Variants in RBM20 observed in about 807,000 individuals in gnomAD.
RBM20 encodes RNA-binding protein 20.
RBM20 carries 51 observed loss-of-function variants against 110.1 expected under a neutral mutation model. The observed-to-expected ratio is 0.46, with a 90% confidence interval of 0.37 to 0.59. RBM20 has a LOEUF of 0.59. RBM20 is among the 20% of genes least tolerant of loss of function. The pLI is 0.00. For missense variants in RBM20, 1,512 were observed against 1,574.9 expected (o/e 0.96, Z 0.68); for synonymous variants, 589 against 618.2 (o/e 0.95, Z 0.70).
intron 1 of RBM20, among the ~76,000 whole-genome samples, chr10:110,737,231 T>G (rs896454831): frequency 3.5e-5 from 5 of 143,344 alleles, no homozygotes; most frequent in Admixed American, 7.1e-5. Flanking sequence ...CAACAGAGCT[T>G]GTTCACCCCT....
chr10:110,820,222 T>C, intron 10 of RBM20, 46 bp downstream of exon 10: 1 of 1,300,756 alleles, frequency 7.7e-7, no homozygotes, highest in Non-Finnish European at 1.1e-6. Context: ...AGGGACTGAG[T>C]CACAGGAGTC....
At chr10:110,660,956 T>C (rs1010272616) in intron 1 of RBM20, among the ~76,000 whole-genome samples, 1 of 152,086 alleles carries the variant, frequency 6.6e-6, no homozygotes, top group African/African-American at 2.4e-5. Flanking sequence ...ACTCATTTAT[T>C]ATGTTCTTAC....
In RBM20 at chr10:110,812,283, G is replaced by A; in HGVS notation, c.1886G>A (p.Gly629Asp). 1 of 1,543,222 alleles carries A rather than the reference G, an allele frequency of 6.5e-7. No individual in the cohort carries two copies. Among genetic ancestry groups the A allele is most frequent in the Non-Finnish European group, 8.8e-7 (1 of 1,142,292 alleles). The change falls in exon 9 of 14, where the codon GGC becomes GAC. Residue 629 changes from glycine to aspartate, a missense_variant. By Grantham distance (94) the Gly-to-Asp change is moderately conservative. Transcript: ENST00000369519. ...GCTCCTTGGCTCCCTCACAGATATG[G>A]CCCAGAAAGGCCGCGGTCTCGTAGT... ...RDMFREADRYGPERPRSRSPV... is the reference protein window; with the variant it reads ...RDMFREADRYDPERPRSRSPV...
At chr10:110,808,089 A>G (rs1844717915) in intron 7 of RBM20, among the ~76,000 whole-genome samples, 1 of 152,222 alleles carries the variant, frequency 6.6e-6, no homozygotes, top group Non-Finnish European at 1.5e-5. Context: ...TCCCTTGATG[A>G]TACAGTAGCC....
At chr10:110,805,362 A>G (rs1316550109) in intron 7 of RBM20, among the ~76,000 whole-genome samples, 1 of 152,160 alleles carries the variant, frequency 6.6e-6, no homozygotes, top group African/African-American at 2.4e-5. Flanking sequence ...AAAGCCTGGT[A>G]ATGTTGAAAC....
intron 1 of RBM20, among the ~76,000 whole-genome samples, chr10:110,759,355 G>A (rs190941102): frequency 6.6e-6 from 1 of 152,188 alleles, no homozygotes; most frequent in East Asian, 1.9e-4. Context: ...TGCAAAGATA[G>A]AGTAGTCAGC....
chr10:110,797,596 G>T lies in RBM20; in HGVS notation c.1616G>T (p.Gly539Val). 1 of 1,551,700 alleles carries T rather than the reference G, an allele frequency of 6.4e-7. No homozygotes were observed. The change falls in exon 6 of 14, where the codon GGG (glycine) becomes GTG (valine). Residue 539 changes from glycine (G) to valine (V), a missense_variant. Physicochemically the swap from Gly to Val is moderately radical, Grantham distance 109 (BLOSUM62 -3). Coordinates refer to ENST00000369519, the MANE Select transcript of RBM20 (RefSeq NM_001134363.3). ...ACTGAGAATGACGTCATTAACCTGGGGCTGCCCTTTGGAAAGGTCACTAAT... is the reference window on the plus strand; with the variant it reads ...ACTGAGAATGACGTCATTAACCTGGTGCTGCCCTTTGGAAAGGTCACTAAT... ...SCTENDVINL[G>V]LPFGKVTNYI...
chr10:110,733,889 A>G (rs1843643215), intron 1 of RBM20, among the ~76,000 whole-genome samples: 1 of 152,234 alleles, frequency 6.6e-6, no homozygotes. Context: ...AGCCTCAGAG[A>G]TGCTGACACG....
intron 1 of RBM20, among the ~76,000 whole-genome samples, chr10:110,764,336 GA>G (rs1385513624): frequency 6.6e-6 from 1 of 152,158 alleles, no homozygotes; most frequent in African/African-American, 2.4e-5. Flanking sequence ...AAAAAATAGG[GA>G]AGTAAACCAG....
At chr10:110,733,435 C>A (rs4631816) in intron 1 of RBM20, among the ~76,000 whole-genome samples, 75,865 of 152,080 alleles carry the variant, frequency 0.5, 19,643 homozygotes, top group African/African-American at 0.65. Flanking sequence ...AAATACCTAC[C>A]CAAACGGGTG....
At chr10:110,732,432 T>G (rs573086075) in intron 1 of RBM20, among the ~76,000 whole-genome samples, 1 of 152,330 alleles carries the variant, frequency 6.6e-6, no homozygotes, top group South Asian at 2.1e-4. Context: ...CCTTTCTCCT[T>G]CAGATGATTT....
intron 1 of RBM20, among the ~76,000 whole-genome samples, chr10:110,665,995 A>AGAGAG (rs1862169872): frequency 1.4e-5 from 2 of 145,380 alleles, no homozygotes; most frequent in Non-Finnish European, 3.0e-5. Flanking sequence ...CAAAGAAAGA[A>AGAGAG]AGAGAGAGAG....
intron 4 of RBM20, 106 bp downstream of exon 4, chr10:110,784,538 A>G: frequency 1.1e-6 from 1 of 872,552 alleles, no homozygotes; most frequent in South Asian, 1.5e-5. Context: ...TCCCCTTCTC[A>G]CGGATGTAGA....
chr10:110,792,722 C>T (rs989609592), intron 5 of RBM20, among the ~76,000 whole-genome samples: 1 of 152,208 alleles, frequency 6.6e-6, no homozygotes, highest in Middle Eastern at 3.2e-3. Context: ...TCAACTCTTT[C>T]TAGCCACCGT....
At chr10:110,673,712 A>G (rs1862293476) in intron 1 of RBM20, among the ~76,000 whole-genome samples, 1 of 152,298 alleles carries the variant, frequency 6.6e-6, no homozygotes, top group South Asian at 2.1e-4. Context: ...ATATTCTGCA[A>G]TCTGCTTGTT....
chr10:110,698,895 A>T (rs1281538424), intron 1 of RBM20, among the ~76,000 whole-genome samples: 2 of 152,180 alleles, frequency 1.3e-5, no homozygotes, highest in African/African-American at 4.8e-5. Flanking sequence ...CAGAGGTGGG[A>T]GAGGCAAGAA....
chr10:110,798,230 T>G (rs1844576543), intron 6 of RBM20, among the ~76,000 whole-genome samples: 1 of 152,236 alleles, frequency 6.6e-6, no homozygotes, highest in Non-Finnish European at 1.5e-5. Context: ...TCTTCATTTC[T>G]AAAGTCAGGT....
At chr10:110,683,279 A>C (rs1385269148) in intron 1 of RBM20, among the ~76,000 whole-genome samples, 1 of 152,228 alleles carries the variant, frequency 6.6e-6, no homozygotes, top group African/African-American at 2.4e-5. Context: ...TTAATGGCAG[A>C]AGGCAGTTTT....
intron 1 of RBM20, among the ~76,000 whole-genome samples, chr10:110,652,366 CT>C (rs1861962394): frequency 6.6e-6 from 1 of 152,042 alleles, no homozygotes; most frequent in South Asian, 2.1e-4. Flanking sequence ...ACTGGTTTGT[CT>C]TTTTTTCTTC....
Sources: allele counts gnomAD v4.1 joint callset (sites outside exome capture counted in the v4.1 genomes callset), GRCh38; gene constraint gnomAD v4.1.1; transcripts MANE v1.5; gene names NCBI Gene and HGNC (gene_info 2026-07-23, HGNC 2026-07-21).